The following REDIC1 variants were observed in gnomAD, a reference collection of about 807,000 sequenced individuals.
The protein encoded by REDIC1 is HEI10 Interacting Protein 1.
the REDIC1 span, among the ~76,000 whole-genome samples, chr12:39,794,165 C>G: frequency 6.8e-6 from 1 of 148,050 alleles, no homozygotes; most frequent in Non-Finnish European, 1.5e-5. Flanking sequence ...ACAAAACCTC[C>G]CTTCTGCAAA....
chr12:39,809,545 G>A, the REDIC1 span, among the ~76,000 whole-genome samples: 1 of 152,124 alleles, frequency 6.6e-6, no homozygotes, highest in Non-Finnish European at 1.5e-5. Flanking sequence ...TAGGGTACAT[G>A]TGCACAACGT....
chr12:39,695,154 G>A, the REDIC1 span, among the ~76,000 whole-genome samples: 25 of 152,284 alleles, frequency 1.6e-4, no homozygotes, highest in East Asian at 1.4e-3. Flanking sequence ...GGTGGCATCA[G>A]GTGGGCCTGA....
At chr12:39,836,399 T>C in the REDIC1 span, among the ~76,000 whole-genome samples, 1 of 152,168 alleles carries the variant, frequency 6.6e-6, no homozygotes. Flanking sequence ...ATCTCTAGCC[T>C]TTCTTTTCAG....
chr12:39,751,464 C>T, the REDIC1 span, among the ~76,000 whole-genome samples: 5 of 152,170 alleles, frequency 3.3e-5, no homozygotes, highest in East Asian at 9.6e-4. Context: ...GGACTGTAAA[C>T]TAGTTCAACC....
the REDIC1 span, among the ~76,000 whole-genome samples, chr12:39,638,382 G>T: frequency 1.3e-5 from 2 of 151,992 alleles, no homozygotes; most frequent in Non-Finnish European, 2.9e-5. Context: ...ATTCACCAGT[G>T]CCAGCAGTGG....
the REDIC1 span, among the ~76,000 whole-genome samples, chr12:39,764,037 G>A: frequency 3.3e-5 from 5 of 152,202 alleles, no homozygotes; most frequent in South Asian, 2.1e-4. Context: ...TCAGCCCTAC[G>A]CAGATTCTGC....
chr12:39,663,171 T>G, the REDIC1 span, among the ~76,000 whole-genome samples: 1 of 151,996 alleles, frequency 6.6e-6, no homozygotes, highest in South Asian at 2.1e-4. Flanking sequence ...CTTCAATATT[T>G]TGTGTAGTTG....
At chr12:39,905,055 C>T in the REDIC1 span, among the ~76,000 whole-genome samples, 2 of 152,146 alleles carry the variant, frequency 1.3e-5, no homozygotes, top group African/African-American at 2.4e-5. Flanking sequence ...ACCAAATTAA[C>T]TTGAAGAATG....
At chr12:39,743,239 G>T in the REDIC1 span, among the ~76,000 whole-genome samples, 1 of 152,080 alleles carries the variant, frequency 6.6e-6, no homozygotes, top group Non-Finnish European at 1.5e-5. Flanking sequence ...AATACCCAAC[G>T]CCAGCCTACT....
chr12:39,812,439 C>T, the REDIC1 span, among the ~76,000 whole-genome samples: 1 of 144,180 alleles, frequency 6.9e-6, no homozygotes, highest in African/African-American at 2.6e-5. Context: ...CCTTCCTTTT[C>T]TTTCTTCTCT....
the REDIC1 span, among the ~76,000 whole-genome samples, chr12:39,799,867 C>T: frequency 6.6e-6 from 1 of 152,178 alleles, no homozygotes; most frequent in Non-Finnish European, 1.5e-5. Flanking sequence ...GTAGAACTTT[C>T]AGATGATTGG....
the REDIC1 span, among the ~76,000 whole-genome samples, chr12:39,869,024 C>T: frequency 3.3e-5 from 5 of 152,082 alleles, no homozygotes; most frequent in South Asian, 2.1e-4. Context: ...AAATAGGGAA[C>T]GATACTGAAT....
the REDIC1 span, among the ~76,000 whole-genome samples, chr12:39,648,613 TTACTA>T: frequency 6.6e-6 from 1 of 151,452 alleles, no homozygotes; most frequent in Non-Finnish European, 1.5e-5. Flanking sequence ...TAATTAAATG[TTACTA>T]TACTAATGTC....
chr12:39,648,167 C>T, the REDIC1 span, among the ~76,000 whole-genome samples: 1 of 151,734 alleles, frequency 6.6e-6, no homozygotes, highest in South Asian at 2.1e-4. Flanking sequence ...ATTGTGAATC[C>T]CAGAACTGGA....
chr12:39,711,612 T>C, the REDIC1 span, among the ~76,000 whole-genome samples: 1 of 99,030 alleles, frequency 1.0e-5, no homozygotes, highest in African/African-American at 3.1e-5. Context: ...CACATGCATG[T>C]GTATGTGTAT....
chr12:39,682,960 A>T, the REDIC1 span: 2 of 1,613,454 alleles, frequency 1.2e-6, no homozygotes, highest in Non-Finnish European at 1.7e-6. Flanking sequence ...TGACAGATGC[A>T]TTAGAAACAT....
the REDIC1 span, among the ~76,000 whole-genome samples, chr12:39,769,019 C>A: frequency 6.6e-6 from 1 of 152,176 alleles, no homozygotes; most frequent in African/African-American, 2.4e-5. Context: ...GAGTTCCCAA[C>A]CCGGTGTGGC....
At chr12:39,856,371 A>C in the REDIC1 span, among the ~76,000 whole-genome samples, 13,402 of 151,938 alleles carry the variant, frequency 0.088, 1,331 homozygotes, top group African/African-American at 0.25. Flanking sequence ...TATTTTATTT[A>C]TTTTATTTTA....
the REDIC1 span, among the ~76,000 whole-genome samples, chr12:39,868,662 A>G: frequency 6.6e-6 from 1 of 152,208 alleles, no homozygotes; most frequent in Non-Finnish European, 1.5e-5. Flanking sequence ...GAAAAACACA[A>G]TCTTTCTGGC....
Sources: gnomAD v4.1 joint callset for allele counts (sites outside exome capture counted in the v4.1 genomes callset) on GRCh38, gnomAD v4.1.1 for gene constraint, MANE v1.5 for transcripts, NCBI Gene and HGNC (gene_info 2026-07-23, HGNC 2026-07-21) for gene names.